The following CACNA1D variants were observed in gnomAD, a reference collection of about 807,000 sequenced individuals.
CACNA1D encodes calcium voltage-gated channel subunit alpha1 D, also known as voltage-dependent L-type calcium channel subunit alpha-1D.
CACNA1D carries 55 observed loss-of-function variants against 257.1 expected under a neutral mutation model. That is an observed-to-expected ratio of 0.21 (90% CI 0.17 to 0.27). CACNA1D has a LOEUF of 0.27. Ranked by LOEUF, CACNA1D falls within the 10% of genes least tolerant of loss-of-function variation. The pLI is 1.00. For synonymous variants in CACNA1D, 980 were observed against 1,014.9 expected (o/e 0.97, Z 0.65); for missense variants, 1,876 against 2,784.0 (o/e 0.67, Z 7.34).
In CACNA1D at chr3:53,762,000, G is replaced by A. The variant is rs775882768; in HGVS notation, c.3789G>A (p.Gly1263=). 2 of 1,609,534 alleles carry A rather than the reference G, an allele frequency of 1.2e-6. No homozygotes were observed. Among genetic ancestry groups the A allele is most frequent in the Non-Finnish European group, 1.7e-6 (2 of 1,175,728 alleles). ...VLKVIAFKPK[G]YFSDAWNTFD... ...CTGCCCTCGCCTGCTCTGTCCAGGG[G>A]TATTTTAGTGACGCCTGGAACACGT... Residue 1263 remains glycine (G), a splice_region_variant and synonymous_variant, in exon 30 of 48, where the codon GGG becomes GGA. Transcript: ENST00000350061.
intron 8 of CACNA1D, among the ~76,000 whole-genome samples, chr3:53,675,619 C>CG (rs1436762406): frequency 1.3e-5 from 2 of 151,826 alleles, no homozygotes; most frequent in East Asian, 1.9e-4. Context: ...AAAAGATGGG[C>CG]GGGGGGGCTT....
chr3:53,546,312 C>T (rs1001808539), intron 3 of CACNA1D, among the ~76,000 whole-genome samples: 1 of 152,222 alleles, frequency 6.6e-6, no homozygotes, highest in East Asian at 1.9e-4. Flanking sequence ...AGAGTGTGAC[C>T]GATTCCAGGA....
At chr3:53,637,264 G>A (rs1329935128) in intron 3 of CACNA1D, among the ~76,000 whole-genome samples, 1 of 152,064 alleles carries the variant, frequency 6.6e-6, no homozygotes, top group Non-Finnish European at 1.5e-5. Flanking sequence ...AGATTCCAGG[G>A]GCCTGTAATG....
At chr3:53,620,693 G>C (rs2093687497) in intron 3 of CACNA1D, among the ~76,000 whole-genome samples, 1 of 152,194 alleles carries the variant, frequency 6.6e-6, no homozygotes, top group Non-Finnish European at 1.5e-5. Flanking sequence ...ACTCTCTAAA[G>C]CATTTGCAAT....
At chr3:53,501,801 G>A (rs2090614599) in intron 3 of CACNA1D, 81 bp downstream of exon 3, 1 of 829,204 alleles carries the variant, frequency 1.2e-6, no homozygotes, top group African/African-American at 1.7e-5. Flanking sequence ...CTGGCCTTCT[G>A]GGTGGTTGAA....
chr3:53,630,315 A>G (rs1194346587), intron 3 of CACNA1D, among the ~76,000 whole-genome samples: 1 of 152,236 alleles, frequency 6.6e-6, no homozygotes, highest in Non-Finnish European at 1.5e-5. Flanking sequence ...GCTGAGAGCA[A>G]TTCTAAATGT....
Position 53,789,472 on chromosome 3 carries a change from C to T in CACNA1D, c.4923+2520C>T, listed in dbSNP as rs772828101. 3.9e-5 allele frequency among the ~76,000 whole-genome samples: 6 copies of T among 152,166 alleles called. No individual in the cohort carries two copies. The highest frequency in any genetic ancestry group is 7.3e-5 in the Non-Finnish European group (5 of 68,036). On this transcript the variant is annotated intron_variant, in intron 40 of 47. Transcript: ENST00000350061. This position sits in a 1 kb window ranked among gnomAD's most constrained non-coding sequence, Gnocchi z 4.2. ...TAGCATGAGTAGGCTTTCGTTTCTG[C>T]GTGATGAAATACCGGGTGACGATGT...
Position 53,654,044 on chromosome 3 carries a change from C to G in CACNA1D, c.623+3126C>G, listed in dbSNP as rs890037477. Among the ~76,000 whole-genome samples the G allele has an allele frequency of 2.0e-5, 3 of 152,294 alleles. No homozygotes were observed. The South Asian group carries it at 6.2e-4, about 32-fold the overall frequency. On this transcript the variant is annotated intron_variant, in intron 4 of 47. Transcript: ENST00000350061. ...GGGAAAAATGTCAACCTAGGATTCTCACTCAGTAAAATATCTTTCAGAGTT... is the reference window on the plus strand; with the variant it reads ...GGGAAAAATGTCAACCTAGGATTCTGACTCAGTAAAATATCTTTCAGAGTT...
chr3:53,623,809 C>A (rs1440752024), intron 3 of CACNA1D, among the ~76,000 whole-genome samples: 1 of 152,178 alleles, frequency 6.6e-6, no homozygotes, highest in Admixed American at 6.5e-5. Flanking sequence ...TGTGATCATC[C>A]TGAAGGTGTT....
At chr3:53,507,691 C>G (rs1029033514) in intron 3 of CACNA1D, among the ~76,000 whole-genome samples, 19 of 151,998 alleles carry the variant, frequency 1.3e-4, no homozygotes, top group African/African-American at 4.6e-4. Flanking sequence ...CAGTGGGGGT[C>G]CTTGCTCATT....
intron 5 of CACNA1D, among the ~76,000 whole-genome samples, chr3:53,665,369 C>T (rs1318345452): frequency 6.6e-6 from 1 of 152,116 alleles, no homozygotes; most frequent in Non-Finnish European, 1.5e-5. Context: ...GAGATTTTGT[C>T]AGATGGATGA....
At chr3:53,554,213 G>C (rs1214413161) in intron 3 of CACNA1D, among the ~76,000 whole-genome samples, 1 of 151,582 alleles carries the variant, frequency 6.6e-6, no homozygotes, top group Non-Finnish European at 1.5e-5. Flanking sequence ...AAAAAAAGGT[G>C]GAAAATTATC....
At chr3:53,676,140 A>G (rs1249497763) in intron 8 of CACNA1D, among the ~76,000 whole-genome samples, 1 of 152,152 alleles carries the variant, frequency 6.6e-6, no homozygotes, top group African/African-American at 2.4e-5. Flanking sequence ...CCCATTTTGA[A>G]GCAGTGCAGA....
chr3:53,772,490 A>G (rs1279187844), intron 32 of CACNA1D, among the ~76,000 whole-genome samples: 1 of 152,358 alleles, frequency 6.6e-6, no homozygotes, highest in East Asian at 1.9e-4. Context: ...GGTTTGATCA[A>G]TTATAATTTC....
intron 2 of CACNA1D, 99 bp from the exon 3 acceptor site, chr3:53,501,516 T>G (rs2090603840): frequency 1.4e-6 from 1 of 722,528 alleles, no homozygotes; most frequent in Non-Finnish European, 2.5e-6. Context: ...TATGTCATTT[T>G]CCTTTTAAAA....
At chr3:53,511,074 T>G (rs569538341) in intron 3 of CACNA1D, among the ~76,000 whole-genome samples, 4 of 152,302 alleles carry the variant, frequency 2.6e-5, no homozygotes, top group Admixed American at 2.0e-4. Context: ...TTTATGTCCC[T>G]GTTAGTTGGG....
chr3:53,734,034 A>G (rs1470018030), intron 19 of CACNA1D, among the ~76,000 whole-genome samples: 5 of 145,818 alleles, frequency 3.4e-5, no homozygotes, highest in African/African-American at 1.0e-4. Context: ...ATATATATAT[A>G]TATATATATA....
At chr3:53,559,661 G>C (rs1370758280) in intron 3 of CACNA1D, among the ~76,000 whole-genome samples, 1 of 152,094 alleles carries the variant, frequency 6.6e-6, no homozygotes, top group East Asian at 1.9e-4. Flanking sequence ...ATACTTTTAG[G>C]GTCGGATCCA....
At chr3:53,551,075 A>G (rs1423328832) in intron 3 of CACNA1D, among the ~76,000 whole-genome samples, 2 of 152,234 alleles carry the variant, frequency 1.3e-5, no homozygotes, top group African/African-American at 4.8e-5. Context: ...ACTGATGAAC[A>G]TATAGTTCTC....
Sources: gnomAD v4.1 joint callset for allele counts (sites outside exome capture counted in the v4.1 genomes callset) on GRCh38, gnomAD v4.1.1 for gene constraint, Gnocchi (gnomAD v3.1) non-coding constraint, MANE v1.5 for transcripts, NCBI Gene and HGNC (gene_info 2026-07-23, HGNC 2026-07-21) for gene names.